The following GLT1D1 variants were observed in gnomAD, a reference collection of about 807,000 sequenced individuals.
GLT1D1 encodes the protein glycosyltransferase 1 domain-containing protein 1.
A neutral mutation model predicts 28.7 loss-of-function variants in GLT1D1; 21 were observed. That is an observed-to-expected ratio of 0.73 (90% CI 0.52 to 1.05). The LOEUF (loss-of-function observed/expected upper bound fraction) is 1.05, where lower values mean the gene tolerates loss of function less well. GLT1D1 is among the 50% of genes least tolerant of loss of function. The probability of loss-of-function intolerance (pLI) is 0.00; values close to 1 mark genes in which losing one functional copy is unlikely to be tolerated. For synonymous variants in GLT1D1, 147 were observed against 124.8 expected (o/e 1.18, Z -1.19); for missense variants, 343 against 330.6 (o/e 1.04, Z -0.29).
At chr12:128,894,548 T>C (rs1329786956) in intron 3 of GLT1D1, among the ~76,000 whole-genome samples, 1 of 152,014 alleles carries the variant, frequency 6.6e-6, no homozygotes, top group East Asian at 1.9e-4. Flanking sequence ...TGTTATTCAG[T>C]ATGGACTCGT....
At chr12:128,957,694 C>A in intron 7 of GLT1D1, 51 bp downstream of exon 11, 2 of 1,179,736 alleles carry the variant, frequency 1.7e-6, no homozygotes, top group Non-Finnish European at 1.3e-6. Context: ...GAATAGTTTT[C>A]CTCTATGTTT....
At chr12:128,947,061 A>C (rs1876198127) in intron 5 of GLT1D1, among the ~76,000 whole-genome samples, 2 of 152,232 alleles carry the variant, frequency 1.3e-5, no homozygotes, top group South Asian at 2.1e-4. Context: ...AATGGCATGA[A>C]CCTTGTCTCT....
chr12:128,854,178 C>T (rs1283680035), intron 1 of GLT1D1, among the ~76,000 whole-genome samples: 1 of 152,066 alleles, frequency 6.6e-6, no homozygotes, highest in Non-Finnish European at 1.5e-5. Context: ...CCTTCACACT[C>T]ATCTTTTTCT....
chr12:128,899,318 T>C (rs1869981979), intron 4 of GLT1D1, 31 bp downstream of exon 4: 7 of 1,595,822 alleles, frequency 4.4e-6, no homozygotes, highest in Non-Finnish European at 6.0e-6. Flanking sequence ...GTTATTTTGG[T>C]TGTGCTGATG....
intron 6 of GLT1D1, among the ~76,000 whole-genome samples, chr12:128,949,614 C>T (rs1286751751): frequency 6.6e-6 from 1 of 152,160 alleles, no homozygotes; most frequent in Non-Finnish European, 1.5e-5. Context: ...TCGTGGGCAG[C>T]GGGGTGAACA....
chr12:128,910,227 T>C (rs1871364200), intron 4 of GLT1D1, among the ~76,000 whole-genome samples: 1 of 151,382 alleles, frequency 6.6e-6, no homozygotes, highest in Admixed American at 6.6e-5. Context: ...TTTCAGTCAA[T>C]TCCTTCTGCT....
Position 128,875,981 on chromosome 12 carries a change from G to A in GLT1D1, c.136G>A (p.Glu46Lys), listed in dbSNP as rs777988195. 6 of 1,614,076 alleles carry A rather than the reference G, an allele frequency of 3.7e-6. No homozygotes were observed. The South Asian group carries it at 5.5e-5, about 15-fold the overall frequency. Residue 46 changes from glutamate to lysine, a missense_variant, in exon 2 of 8, where the codon GAG (glutamate) becomes AAG (lysine). Transcript: ENST00000281703. ...TGCCTTTGACTTTGAAAGCCGATCT[G>A]AGATTGCAAACCTCATCTTGGCTGA... is the stretch of plus-strand genomic sequence containing the variant.
At position 128,897,892 on chromosome 12, in the gene GLT1D1, C is replaced by A. The variant is rs149625967; in HGVS notation, c.324-1344C>A. On this transcript the variant is annotated intron_variant, in intron 3 of 7. Coordinates refer to ENST00000281703, the MANE Select transcript of GLT1D1 (RefSeq NM_144669.3). ...ACGGTGTTAGCCAGGTGGTCTCGATCTCCTGACCTTGTGATCCGCCCGCCT... is the reference window on the plus strand; with the variant it reads ...ACGGTGTTAGCCAGGTGGTCTCGATATCCTGACCTTGTGATCCGCCCGCCT... Among the ~76,000 whole-genome samples the A allele has an allele frequency of 5.6e-3, 851 of 152,236 alleles. 3 individuals are homozygous for A. The Middle Eastern group carries it at 0.058, about 10-fold the overall frequency.
At chr12:128,888,236 G>A (rs115085794) in intron 2 of GLT1D1, among the ~76,000 whole-genome samples, 52 of 152,260 alleles carry the variant, frequency 3.4e-4, no homozygotes, top group African/African-American at 1.3e-3. Context: ...AAGCTAGCAC[G>A]GTGCCTGTTG....
chr12:128,946,463 C>G (rs576067415), intron 5 of GLT1D1, among the ~76,000 whole-genome samples: 27 of 151,990 alleles, frequency 1.8e-4, no homozygotes, highest in African/African-American at 5.8e-4. Flanking sequence ...TCTCCTGCCT[C>G]AGCCTCCTGA....
At chr12:128,873,552 T>C (rs1302052679) in intron 1 of GLT1D1, among the ~76,000 whole-genome samples, 3 of 152,232 alleles carry the variant, frequency 2.0e-5, no homozygotes, top group East Asian at 1.9e-4. Context: ...AGTGGAGTTA[T>C]TTGGTCACAG....
At chr12:128,943,639 G>A (rs1875626918) in intron 4 of GLT1D1, among the ~76,000 whole-genome samples, 1 of 152,108 alleles carries the variant, frequency 6.6e-6, no homozygotes, top group African/African-American at 2.4e-5. Context: ...TTTTCTATAT[G>A]CGAATGGATA....
chr12:128,899,814 A>T (rs1870047066), intron 4 of GLT1D1, among the ~76,000 whole-genome samples: 2 of 152,150 alleles, frequency 1.3e-5, no homozygotes, highest in South Asian at 4.2e-4. Context: ...AGCATCCCAA[A>T]GTGCCGGGAT....
At chr12:128,908,377 T>C (rs148831997) in intron 4 of GLT1D1, among the ~76,000 whole-genome samples, 13 of 64,574 alleles carry the variant, frequency 2.0e-4, no homozygotes, top group East Asian at 6.6e-4. Context: ...TTCTTTCTTT[T>C]CTTTCTCTTT....
intron 1 of GLT1D1, among the ~76,000 whole-genome samples, chr12:128,858,638 T>C (rs1956284518): frequency 6.7e-6 from 1 of 149,002 alleles, no homozygotes. Context: ...ACCATTGCAC[T>C]CCAGCCTGGG....
intron 4 of GLT1D1, among the ~76,000 whole-genome samples, chr12:128,912,081 C>T (rs1871597578): frequency 6.6e-6 from 1 of 152,160 alleles, no homozygotes. Flanking sequence ...GCTGCATCAG[C>T]TGGGCCGGCA....
At chr12:128,881,148 C>A (rs1162279369) in intron 2 of GLT1D1, among the ~76,000 whole-genome samples, 1 of 140,404 alleles carries the variant, frequency 7.1e-6, no homozygotes, top group Non-Finnish European at 1.5e-5. Context: ...GGCGTGAACC[C>A]GGGAGGCGGA....
intron 3 of GLT1D1, among the ~76,000 whole-genome samples, chr12:128,894,788 T>A (rs1444764156): frequency 6.6e-6 from 1 of 151,908 alleles, no homozygotes; most frequent in Non-Finnish European, 1.5e-5. Flanking sequence ...AGGCGGAGGT[T>A]ACAGTGAGCT....
intron 1 of GLT1D1, among the ~76,000 whole-genome samples, chr12:128,870,279 C>A (rs533099919): frequency 8.5e-5 from 13 of 152,056 alleles, no homozygotes; most frequent in East Asian, 1.9e-4. Flanking sequence ...ACAACAACAA[C>A]AAAAAAACAA....
Sources: gnomAD v4.1 joint callset for allele counts (sites outside exome capture counted in the v4.1 genomes callset) on GRCh38, gnomAD v4.1.1 for gene constraint, MANE v1.5 for transcripts, NCBI Gene and HGNC (gene_info 2026-07-23, HGNC 2026-07-21) for gene names.